FRMD6: variants seen among roughly 807,000 people sequenced by gnomAD.
The protein encoded by FRMD6 is FERM domain containing 6.
In FRMD6, 37 loss-of-function variants were observed where a neutral mutation model predicts 73.2. The ratio of observed to expected loss-of-function variants is 0.51; its 90% CI spans 0.39 to 0.66. The LOEUF (loss-of-function observed/expected upper bound fraction) is 0.66. Ranked by LOEUF, FRMD6 falls within the 30% of genes least tolerant of loss-of-function variation. The pLI is 0.00. For synonymous variants in FRMD6, 273 were observed against 282.2 expected (o/e 0.97, Z 0.33); for missense variants, 714 against 780.5 (o/e 0.91, Z 1.02).
chr14:51,426,369 C>T, the FRMD6 span, among the ~76,000 whole-genome samples: 2 of 152,082 alleles, frequency 1.3e-5, no homozygotes, highest in Non-Finnish European at 2.9e-5. Flanking sequence ...TTCCCATCCA[C>T]CTGCAAGCCC....
intron 2 of FRMD6, among the ~76,000 whole-genome samples, chr14:51,578,808 C>T: frequency 6.6e-6 from 1 of 152,164 alleles, no homozygotes; most frequent in Non-Finnish European, 1.5e-5. Context: ...CAGGGAGGTA[C>T]ATATCATGTT....
intron 2 of FRMD6, chr14:51,579,126 A>C (rs1193497937): frequency 6.6e-6 from 1 of 152,134 alleles, no homozygotes; most frequent in Non-Finnish European, 1.5e-5. Flanking sequence ...AGAGGAAAAC[A>C]TAAGGGAGGA....
At chr14:51,542,238 T>C (rs1005989928) in intron 1 of FRMD6, among the ~76,000 whole-genome samples, 3 of 152,068 alleles carry the variant, frequency 2.0e-5, no homozygotes, top group African/African-American at 7.2e-5. Flanking sequence ...TTCAAAAACA[T>C]TTTATCACTC....
At chr14:51,548,695 T>C (rs886382770) in intron 1 of FRMD6, among the ~76,000 whole-genome samples, 1 of 152,206 alleles carries the variant, frequency 6.6e-6, no homozygotes, top group African/African-American at 2.4e-5. Context: ...TCTGTGAAAC[T>C]GTTTCTCTAA....
chr14:51,666,976 A>C (rs1465718077), intron 1 of FRMD6, among the ~76,000 whole-genome samples: 1 of 152,140 alleles, frequency 6.6e-6, no homozygotes, highest in Admixed American at 6.5e-5. Flanking sequence ...CTCTACAAAA[A>C]ATACAAAAGT....
chr14:51,582,500 A>T (rs1309867033), intron 2 of FRMD6, among the ~76,000 whole-genome samples: 1 of 152,206 alleles, frequency 6.6e-6, no homozygotes, highest in African/African-American at 2.4e-5. Flanking sequence ...TGGCTTCCAA[A>T]GGCTATGCAG....
At chr14:51,644,354 C>CACAA (rs1891956181) in intron 2 of FRMD6, among the ~76,000 whole-genome samples, 2 of 21,098 alleles carry the variant, frequency 9.5e-5, no homozygotes, top group Admixed American at 4.3e-4. Flanking sequence ...CCTCACCCTT[C>CACAA]ACACACACAC....
chr14:51,412,904 T>C, the FRMD6 span, among the ~76,000 whole-genome samples: 2 of 151,212 alleles, frequency 1.3e-5, no homozygotes, highest in East Asian at 1.9e-4. Flanking sequence ...TGGGACAGAG[T>C]AACAATCAGA....
In FRMD6 at chr14:51,585,923, A is replaced by ATGTGTGTGTG. The variant is rs144016037; in HGVS notation, c.-147+15521_-147+15530dup. On this transcript the variant is annotated intron_variant, in intron 2 of 14. Transcript: ENST00000356218. ...TTATGGCTGAATAGTATGCCATGGC[A>ATGTGTGTGTG]TGTGTGTGTGTGTGTGTATATATAT... is the stretch of plus-strand genomic sequence containing the variant. 5.4e-3 allele frequency among the ~76,000 whole-genome samples: 199 copies of ATGTGTGTGTG among 36,866 alleles called. 19 individuals are homozygous for ATGTGTGTGTG. The highest frequency in any genetic ancestry group is 0.01 in the Middle Eastern group (1 of 98). 24.2% of individuals were successfully genotyped at this position (36,866 alleles called of 152,430 possible).
intron 11 of FRMD6, 52 bp from the exon 12 acceptor site, chr14:51,721,894 TATG>T: frequency 6.2e-7 from 1 of 1,600,926 alleles, no homozygotes; most frequent in African/African-American, 1.3e-5. Flanking sequence ...GGTTGCATAT[TATG>T]ATGGTCATTT....
chr14:51,674,217 G>A (rs1894222235), intron 1 of FRMD6, among the ~76,000 whole-genome samples: 1 of 152,088 alleles, frequency 6.6e-6, no homozygotes, highest in African/African-American at 2.4e-5. Context: ...CCACTATGAG[G>A]AGCAACACCA....
Position 51,585,961 on chromosome 14 carries a change from A to ATATATATATATATATATAT in FRMD6, c.-147+15551_-147+15552insTATATATATATATATATAT, listed in dbSNP as rs1555324347. Among the ~76,000 whole-genome samples the ATATATATATATATATATAT allele has an allele frequency of 4.9e-3, 277 of 56,136 alleles. 2 individuals are homozygous for ATATATATATATATATATAT. Among genetic ancestry groups the ATATATATATATATATATAT allele is most frequent in the Middle Eastern group, 0.011 (1 of 90 alleles). The allele number at this position is 56,136 out of a possible 152,430, so 36.8% of individuals were successfully genotyped here. ...TGTGTATATATATATATATATATAT[A>ATATATATATATATATATAT]ACATTTTCTTTATCAAACCTTTGTT... On this transcript the variant is annotated intron_variant, in intron 2 of 14. Coordinates refer to the FRMD6 transcript ENST00000356218.
chr14:51,607,001 T>C (rs149664680), intron 2 of FRMD6, among the ~76,000 whole-genome samples: 32 of 152,208 alleles, frequency 2.1e-4, no homozygotes, highest in African/African-American at 5.8e-4. Flanking sequence ...GTCTGCACTT[T>C]CTTTTCTGTG....
intron 1 of FRMD6, among the ~76,000 whole-genome samples, chr14:51,533,705 A>G (rs962045018): frequency 6.6e-6 from 1 of 152,162 alleles, no homozygotes; most frequent in Non-Finnish European, 1.5e-5. Flanking sequence ...ACCCTTCTGA[A>G]CCCTATCAAT....
chr14:51,449,250 G>A, the FRMD6 span, among the ~76,000 whole-genome samples: 1 of 152,190 alleles, frequency 6.6e-6, no homozygotes, highest in Non-Finnish European at 1.5e-5. Context: ...GGAAGGCCAA[G>A]CTCTCCCTGT....
intron 1 of FRMD6, among the ~76,000 whole-genome samples, chr14:51,554,365 G>C (rs1260691683): frequency 3.9e-5 from 6 of 152,150 alleles, no homozygotes; most frequent in Non-Finnish European, 8.8e-5. Flanking sequence ...GAGATGGAAT[G>C]TAACTCCCAA....
At chr14:51,710,758 C>T (rs1368019446) in intron 7 of FRMD6, among the ~76,000 whole-genome samples, 1 of 152,074 alleles carries the variant, frequency 6.6e-6, no homozygotes, top group Non-Finnish European at 1.5e-5. Context: ...AATTTCATTT[C>T]TATTTTGAAC....
chr14:51,534,445 G>A (rs1885770098), intron 1 of FRMD6, among the ~76,000 whole-genome samples: 1 of 152,168 alleles, frequency 6.6e-6, no homozygotes, highest in Non-Finnish European at 1.5e-5. Context: ...CTAGCTATAG[G>A]AAGTTGTTTC....
chr14:51,652,507 G>A (rs115050740), intron 1 of FRMD6, among the ~76,000 whole-genome samples: 20,189 of 152,236 alleles, frequency 0.13, 1,442 homozygotes, highest in Middle Eastern at 0.21. Flanking sequence ...CCGCGCTCCC[G>A]GGGGCTGCGC....
Sources: gnomAD v4.1 joint callset for allele counts (sites outside exome capture counted in the v4.1 genomes callset) on GRCh38, gnomAD v4.1.1 for gene constraint, MANE v1.5 for transcripts, NCBI Gene and HGNC (gene_info 2026-07-23, HGNC 2026-07-21) for gene names.